ADCY5: variants seen among roughly 807,000 people sequenced by gnomAD.
ADCY5 encodes adenylate cyclase type 5.
ADCY5 carries 30 observed loss-of-function variants against 119.7 expected under a neutral mutation model. That is an observed-to-expected ratio of 0.25 (90% confidence interval 0.19 to 0.34). ADCY5 has a LOEUF of 0.34. Ranked by LOEUF, ADCY5 falls within the 10% of genes least tolerant of loss-of-function variation. The pLI is 1.00. For synonymous variants in ADCY5, 753 were observed against 762.2 expected (o/e 0.99, Z 0.20); for missense variants, 1,324 against 1,775.2 (o/e 0.75, Z 4.57).
chr3:123,392,474 C>T (rs902761451), intron 1 of ADCY5, among the ~76,000 whole-genome samples: 1 of 149,808 alleles, frequency 6.7e-6, no homozygotes, highest in Non-Finnish European at 1.5e-5. Flanking sequence ...CAGTGATCCA[C>T]GGGGTTATCA....
intron 1 of ADCY5, among the ~76,000 whole-genome samples, chr3:123,393,605 T>TAAA (rs397770125): frequency 6.6e-6 from 1 of 150,748 alleles, no homozygotes; most frequent in African/African-American, 2.5e-5. Flanking sequence ...TAAAATAAAA[T>TAAA]GAGGGTGTGA....
chr3:123,419,155 CGA>C, intron 1 of ADCY5: 1 of 985,362 alleles, frequency 1.0e-6, no homozygotes, highest in South Asian at 4.7e-5. Flanking sequence ...AGCCGGTGCC[CGA>C]GAGAGCACCG....
At position 123,300,185 on chromosome 3, in the gene ADCY5, G is replaced by A; in HGVS notation, c.2835C>T (p.Leu945=). 1 of 1,613,858 alleles carries A rather than the reference G, an allele frequency of 6.2e-7. No homozygotes were observed. Among genetic ancestry groups the A allele is most frequent in the Middle Eastern group, 1.6e-4 (1 of 6,062 alleles). Residue 945 remains leucine, a synonymous_variant, in exon 15 of 21, where the codon CTC becomes CTT. Coordinates refer to ENST00000462833, the MANE Select transcript of ADCY5 (RefSeq NM_183357.3). Reference sequence around the variant, plus strand: ...GCGTGACACCTGGCACCTCCACGATGAGCACGTAGATGAGCTCGATGGCCA... The same window carrying A: ...GCGTGACACCTGGCACCTCCACGATAAGCACGTAGATGAGCTCGATGGCCA... ...LMLAIELIYV[L]IVEVPGVTLF...
At chr3:123,365,834 C>T (rs1943418157) in intron 1 of ADCY5, among the ~76,000 whole-genome samples, 1 of 152,002 alleles carries the variant, frequency 6.6e-6, no homozygotes, top group Non-Finnish European at 1.5e-5. Context: ...GAGTGGGTCA[C>T]AGCTTGAATG....
intron 3 of ADCY5, among the ~76,000 whole-genome samples, chr3:123,334,624 G>C (rs1225084223): frequency 6.6e-6 from 1 of 152,182 alleles, no homozygotes; most frequent in Non-Finnish European, 1.5e-5. Context: ...TGTAATCTCA[G>C]CTACTCAAGA....
intron 1 of ADCY5, among the ~76,000 whole-genome samples, chr3:123,438,058 C>G (rs745515186): frequency 6.6e-6 from 1 of 152,102 alleles, no homozygotes; most frequent in Non-Finnish European, 1.5e-5. Context: ...AACAAATGCC[C>G]CCATCTAGAT....
chr3:123,358,195 T>TGTGTGTGTGTGTGTGTGA lies in ADCY5; in HGVS notation c.1135-5615_1135-5614insTCACACACACACACACAC, dbSNP rs58986112. 1.5e-3 allele frequency among the ~76,000 whole-genome samples: 223 copies of TGTGTGTGTGTGTGTGTGA among 149,198 alleles called. 2 individuals carry two copies. Among genetic ancestry groups the TGTGTGTGTGTGTGTGTGA allele is most frequent in the African/African-American group, 5.2e-3 (210 of 40,044 alleles). On this transcript the variant is annotated intron_variant, in intron 1 of 20. Coordinates refer to ENST00000462833, the MANE Select transcript of ADCY5 (RefSeq NM_183357.3). Reference sequence around the variant, plus strand: ...GTGTGTGTGTGTGTGTGTGTGTGTGTAGGGAGTTGGTGGTATGGCGGAGCA... The same window carrying TGTGTGTGTGTGTGTGTGA: ...GTGTGTGTGTGTGTGTGTGTGTGTGTGTGTGTGTGTGTGTGTGAAGGGAGTTGGTGGTATGGCGGAGCA...
At chr3:123,337,686 G>A (rs915180684) in intron 3 of ADCY5, among the ~76,000 whole-genome samples, 7 of 152,262 alleles carry the variant, frequency 4.6e-5, no homozygotes, top group Admixed American at 1.3e-4. Flanking sequence ...ATTGGATTAG[G>A]AGCCCATCCT....
Position 123,339,383 on chromosome 3 carries a change from A to G in ADCY5, c.1407-6708T>C, listed in dbSNP as rs115345934. Among the ~76,000 whole-genome samples, 735 of 152,274 alleles carry G rather than the reference A, an allele frequency of 4.8e-3. 3 individuals are homozygous for G. The highest frequency in any genetic ancestry group is 0.017 in the African/African-American group (712 of 41,554). ...TATTAACACTGGGCTGAGGTCAGAC[A>G]CCAGAGGGCTGTTTTCCAAGGAGTG... is the stretch of plus-strand genomic sequence containing the variant. On this transcript the variant is annotated intron_variant, in intron 3 of 20. Coordinates refer to ENST00000462833, the MANE Select transcript of ADCY5 (RefSeq NM_183357.3).
intron 1 of ADCY5, among the ~76,000 whole-genome samples, chr3:123,412,547 G>A (rs980822991): frequency 6.6e-6 from 1 of 152,132 alleles, no homozygotes; most frequent in African/African-American, 2.4e-5. Context: ...TCTGTGTTGC[G>A]GTGGCAGATA....
At chr3:123,333,425 C>A (rs973870941) in intron 3 of ADCY5, among the ~76,000 whole-genome samples, 6 of 152,252 alleles carry the variant, frequency 3.9e-5, no homozygotes, top group Admixed American at 6.5e-5. Context: ...ATGGCCAGGG[C>A]CCGGCCTGGA....
At chr3:123,340,085 T>A (rs1348310298) in intron 3 of ADCY5, among the ~76,000 whole-genome samples, 1 of 151,364 alleles carries the variant, frequency 6.6e-6, no homozygotes, top group African/African-American at 2.4e-5. Flanking sequence ...AGCCCAGGAG[T>A]CGGAGGCCGG....
intron 12 of ADCY5, among the ~76,000 whole-genome samples, chr3:123,309,071 A>G (rs769012495): frequency 2.6e-5 from 4 of 152,194 alleles, no homozygotes; most frequent in Non-Finnish European, 4.4e-5. Flanking sequence ...TTCAACATGA[A>G]AAACAGGAGT....
intron 1 of ADCY5, among the ~76,000 whole-genome samples, chr3:123,353,330 A>G (rs1023733798): frequency 1.3e-5 from 2 of 152,358 alleles, no homozygotes; most frequent in South Asian, 4.1e-4. Flanking sequence ...CTAAGGGAAA[A>G]TGAAACACAA....
intron 3 of ADCY5, 88 bp from the exon 4 acceptor site, chr3:123,332,763 CTTT>C (rs894886812): frequency 4.3e-6 from 4 of 920,714 alleles, no homozygotes; most frequent in African/African-American, 1.7e-5. Flanking sequence ...TTTTTCTTTT[CTTT>C]TTTTTTAAGA....
intron 11 of ADCY5, among the ~76,000 whole-genome samples, chr3:123,316,190 A>ACC (rs144467700): frequency 7.3e-5 from 11 of 151,400 alleles, no homozygotes; most frequent in African/African-American, 2.7e-4. Context: ...CAAAATGTAG[A>ACC]CCCCCCCCAA....
chr3:123,447,997 C>T lies in ADCY5; in HGVS notation c.549G>A (p.Gly183=), dbSNP rs768281586. 9.9e-6 allele frequency: 13 copies of T among 1,309,538 alleles called. No individual in the cohort carries two copies. Among genetic ancestry groups the T allele is most frequent in the Non-Finnish European group, 8.7e-6 (9 of 1,033,572 alleles). The allele number at this position is 1,309,538 out of a possible 1,614,324, so 81.1% of individuals were successfully genotyped here. A position where few individuals can be genotyped will look rare whatever the true frequency, so the allele number is the denominator to read the frequency against. ...CCGCCGAGCTGCCGCCATCCCCGGACCCCTCGCCGCCCTCGACGGCGCCGG... is the reference window on the plus strand; with the variant it reads ...CCGCCGAGCTGCCGCCATCCCCGGATCCCTCGCCGCCCTCGACGGCGCCGG... ...LEAGAVEGGE[G]SGDGGSSADS... The change falls in exon 1 of 21, where the codon GGG becomes GGA. Residue 183 remains glycine (G), a synonymous_variant. Coordinates refer to ENST00000462833, the MANE Select transcript of ADCY5 (RefSeq NM_183357.3).
chr3:123,369,761 T>TC (rs986436496), intron 1 of ADCY5, among the ~76,000 whole-genome samples: 13 of 152,172 alleles, frequency 8.5e-5, no homozygotes, highest in Non-Finnish European at 7.3e-5. Flanking sequence ...GCTCTCTGGG[T>TC]CCTATGAGGT....
intron 1 of ADCY5, among the ~76,000 whole-genome samples, chr3:123,385,401 C>T (rs1043846576): frequency 1.3e-5 from 2 of 152,156 alleles, no homozygotes; most frequent in African/African-American, 4.8e-5. Context: ...AGGGAGGGAA[C>T]GTTAATAGAG....
Sources: gnomAD v4.1 joint callset for allele counts (sites outside exome capture counted in the v4.1 genomes callset) on GRCh38, gnomAD v4.1.1 for gene constraint, MANE v1.5 for transcripts, NCBI Gene and HGNC (gene_info 2026-07-23, HGNC 2026-07-21) for gene names.